XRCC4: variants seen among roughly 807,000 people sequenced by gnomAD.
XRCC4 encodes the protein X-ray repair cross complementing 4.
XRCC4 carries 28 observed loss-of-function variants against 39.1 expected under a neutral mutation model. The ratio of observed to expected loss-of-function variants is 0.72; its 90% CI spans 0.53 to 0.98. XRCC4 has a LOEUF of 0.98. Ranked by LOEUF, XRCC4 falls within the 50% of genes least tolerant of loss-of-function variation. The pLI is 0.00. For missense variants in XRCC4, 350 were observed against 376.4 expected (o/e 0.93, Z 0.58); for synonymous variants, 123 against 126.4 (o/e 0.97, Z 0.18).
intron 4 of XRCC4, among the ~76,000 whole-genome samples, chr5:83,198,635 A>G (rs1371496728): frequency 6.6e-6 from 1 of 152,174 alleles, no homozygotes; most frequent in Non-Finnish European, 1.5e-5. Context: ...AATATGTATC[A>G]CCATTATAAT....
At chr5:83,311,748 A>G (rs183936753) in intron 7 of XRCC4, among the ~76,000 whole-genome samples, 1 of 152,188 alleles carries the variant, frequency 6.6e-6, no homozygotes, top group East Asian at 1.9e-4. Context: ...TCTTAAAATA[A>G]TGCATACCAC....
At chr5:83,100,362 T>A (rs1467534458) in intron 1 of XRCC4, among the ~76,000 whole-genome samples, 2 of 152,164 alleles carry the variant, frequency 1.3e-5, no homozygotes, top group African/African-American at 4.8e-5. Context: ...GATGTCTTTT[T>A]AACATCATTG....
At chr5:83,152,408 T>A (rs1050080094) in intron 3 of XRCC4, among the ~76,000 whole-genome samples, 2 of 151,724 alleles carry the variant, frequency 1.3e-5, no homozygotes, top group Admixed American at 1.3e-4. Flanking sequence ...CCGAGGCGGG[T>A]GGATCACGAG....
At chr5:83,228,104 G>A (rs986763721) in intron 6 of XRCC4, among the ~76,000 whole-genome samples, 2 of 151,958 alleles carry the variant, frequency 1.3e-5, no homozygotes, top group African/African-American at 4.8e-5. Flanking sequence ...GAAAATTGTT[G>A]ATTAACCAAG....
In XRCC4 at chr5:83,192,317, A is replaced by ATTTTTTT. The variant is rs1351413254; in HGVS notation, c.316-3452_316-3451insTTTTTTT. ...GTATACGTATATATAATATATATAT[A>ATTTTTTT]TATTTTTTTGAGACGGAGTCTTGCT... is the stretch of plus-strand genomic sequence containing the variant. On this transcript the variant is annotated intron_variant, in intron 3 of 7. Coordinates refer to ENST00000396027, the MANE Select transcript of XRCC4 (RefSeq NM_003401.5). 6.5e-4 allele frequency among the ~76,000 whole-genome samples: 61 copies of ATTTTTTT among 93,906 alleles called. 1 individual carries two copies. The highest frequency in any genetic ancestry group is 1.9e-3 in the African/African-American group (44 of 22,618). The allele number at this position is 93,906 out of a possible 152,430, so 61.6% of individuals were successfully genotyped here. A position where few individuals can be genotyped will look rare whatever the true frequency, so the allele number is the denominator to read the frequency against.
intron 6 of XRCC4, among the ~76,000 whole-genome samples, chr5:83,249,426 C>T (rs547973557): frequency 1.8e-4 from 28 of 152,162 alleles, no homozygotes; most frequent in African/African-American, 6.7e-4. Context: ...GGAATGCCTC[C>T]GAAATTTAGC....
chr5:83,280,942 T>C lies in XRCC4; in HGVS notation c.893+22265T>C, dbSNP rs114646349. Among the ~76,000 whole-genome samples the C allele has an allele frequency of 6.1e-3, 930 of 152,224 alleles. 10 individuals carry two copies. Among genetic ancestry groups the C allele is most frequent in the African/African-American group, 0.021 (876 of 41,538 alleles). On this transcript the variant is annotated intron_variant, in intron 7 of 7. Transcript: ENST00000396027. Reference sequence around the variant, plus strand: ...TCTCTACATATCCTCTTTCCTGGAGTTTCTTTTAGTGCAAGGTTTACCTAC... The same window carrying C: ...TCTCTACATATCCTCTTTCCTGGAGCTTCTTTTAGTGCAAGGTTTACCTAC...
chr5:83,116,080 CT>C (rs1424366112), intron 3 of XRCC4, among the ~76,000 whole-genome samples: 2 of 152,092 alleles, frequency 1.3e-5, no homozygotes, highest in Non-Finnish European at 2.9e-5. Flanking sequence ...GTAGATTCAT[CT>C]GCTGGCAAAA....
intron 3 of XRCC4, among the ~76,000 whole-genome samples, chr5:83,130,474 T>C (rs4463162): frequency 0.41 from 62,350 of 151,960 alleles, 13,340 homozygotes; most frequent in South Asian, 0.49. Flanking sequence ...CAGGATGATG[T>C]TGGCCTCATA....
intron 3 of XRCC4, among the ~76,000 whole-genome samples, chr5:83,149,053 A>G (rs1044566943): frequency 6.6e-6 from 1 of 152,200 alleles, no homozygotes; most frequent in African/African-American, 2.4e-5. Context: ...GAATCAGAAT[A>G]CTGAAACATA....
intron 2 of XRCC4, among the ~76,000 whole-genome samples, chr5:83,110,039 A>C (rs902229115): frequency 1.6e-4 from 24 of 151,938 alleles, no homozygotes; most frequent in Non-Finnish European, 2.9e-5. Context: ...CCTCAAATGT[A>C]AAAATCGAGG....
At chr5:83,091,289 C>T (rs1387795278) in intron 1 of XRCC4, among the ~76,000 whole-genome samples, 1 of 152,122 alleles carries the variant, frequency 6.6e-6, no homozygotes, top group Non-Finnish European at 1.5e-5. Context: ...GAAAAGCAGG[C>T]AGGCATATCT....
chr5:83,324,956 C>T (rs1036215351), intron 7 of XRCC4, among the ~76,000 whole-genome samples: 7 of 152,080 alleles, frequency 4.6e-5, no homozygotes, highest in African/African-American at 7.2e-5. Flanking sequence ...GTAGAATGGA[C>T]GGCCTCCCCA....
At chr5:83,122,037 T>C (rs1354467716) in intron 3 of XRCC4, among the ~76,000 whole-genome samples, 1 of 152,216 alleles carries the variant, frequency 6.6e-6, no homozygotes, top group Non-Finnish European at 1.5e-5. Flanking sequence ...TCTATTTGTT[T>C]AGCTCTGTGC....
chr5:83,161,378 G>A (rs1749205416), intron 3 of XRCC4, among the ~76,000 whole-genome samples: 1 of 151,982 alleles, frequency 6.6e-6, no homozygotes, highest in Non-Finnish European at 1.5e-5. Flanking sequence ...GTAATCCACA[G>A]GCCTCGGCCT....
chr5:83,347,725 C>T (rs1756958089), intron 7 of XRCC4, among the ~76,000 whole-genome samples: 1 of 152,146 alleles, frequency 6.6e-6, no homozygotes, highest in Non-Finnish European at 1.5e-5. Context: ...CATGATCATG[C>T]ATTGCCAAGA....
chr5:83,191,565 TG>T (rs1166611358), intron 3 of XRCC4, among the ~76,000 whole-genome samples: 54 of 152,182 alleles, frequency 3.5e-4, no homozygotes, highest in African/African-American at 1.3e-3. Context: ...TAGGGCATGG[TG>T]GCCCACCCCT....
chr5:83,149,795 C>A (rs1324778721), intron 3 of XRCC4, among the ~76,000 whole-genome samples: 1 of 152,014 alleles, frequency 6.6e-6, no homozygotes, highest in Non-Finnish European at 1.5e-5. Context: ...ATTAAGATAA[C>A]AATTTGGTTG....
chr5:83,117,740 ATTTAAT>A (rs1251235937), intron 3 of XRCC4, among the ~76,000 whole-genome samples: 2 of 98,690 alleles, frequency 2.0e-5, no homozygotes, highest in African/African-American at 6.0e-5. Context: ...AAAAAAATTA[ATTTAAT>A]TTTATTTTAA....
Sources: allele counts gnomAD v4.1 joint callset (sites outside exome capture counted in the v4.1 genomes callset), GRCh38; gene constraint gnomAD v4.1.1; transcripts MANE v1.5; gene names NCBI Gene and HGNC (gene_info 2026-07-23, HGNC 2026-07-21).